ANKS1B: variants seen among roughly 807,000 people sequenced by gnomAD.
ANKS1B encodes the protein ankyrin repeat and sterile alpha motif domain containing 1B.
Under a neutral mutation model 148.3 loss-of-function variants are expected in ANKS1B, and 36 were observed. The ratio of observed to expected loss-of-function variants is 0.24; its 90% CI spans 0.19 to 0.32. ANKS1B has a LOEUF of 0.32. Among genes scored for constraint, ANKS1B ranks in the 10% least tolerant of loss-of-function variants. ANKS1B has a pLI of 1.00. For missense variants in ANKS1B, 1,157 were observed against 1,542.6 expected, an observed-to-expected ratio of 0.75 and a Z score of 4.19; for synonymous variants, 542 against 560.8, an observed-to-expected ratio of 0.97 and a Z score of 0.47.
chr12:99,656,859 G>A (rs1408763568), intron 8 of ANKS1B, among the ~76,000 whole-genome samples: 2 of 152,094 alleles, frequency 1.3e-5, no homozygotes, highest in African/African-American at 2.4e-5. Context: ...GATTACTAAA[G>A]CAAGTAAATA....
chr12:99,816,724 T>A (rs902298478), intron 2 of ANKS1B, among the ~76,000 whole-genome samples: 5 of 151,678 alleles, frequency 3.3e-5, no homozygotes, highest in Non-Finnish European at 7.4e-5. Flanking sequence ...TAGAATAAAG[T>A]GTTAATCAGC....
intron 17 of ANKS1B, among the ~76,000 whole-genome samples, chr12:98,857,627 C>T (rs922003514): frequency 6.6e-6 from 1 of 151,272 alleles, no homozygotes. Context: ...GAGGCAATGT[C>T]ACTGGTTGAA....
chr12:98,845,292 C>T (rs1323004301), intron 17 of ANKS1B, among the ~76,000 whole-genome samples: 7 of 152,124 alleles, frequency 4.6e-5, no homozygotes, highest in African/African-American at 7.2e-5. Context: ...AATCCAGTTC[C>T]GACTTCCAAA....
At chr12:99,546,890 T>C (rs2097177071) in intron 9 of ANKS1B, among the ~76,000 whole-genome samples, 1 of 152,060 alleles carries the variant, frequency 6.6e-6, no homozygotes, top group Non-Finnish European at 1.5e-5. Context: ...CAGGTTGGGA[T>C]AAACTCCAAC....
intron 9 of ANKS1B, among the ~76,000 whole-genome samples, chr12:99,559,831 A>G (rs1315692437): frequency 1.3e-5 from 2 of 152,234 alleles, no homozygotes; most frequent in East Asian, 1.9e-4. Context: ...AAGTTTTGAT[A>G]TAAAAATCAT....
chr12:98,968,257 T>G (rs1039557633), intron 17 of ANKS1B, among the ~76,000 whole-genome samples: 3 of 152,110 alleles, frequency 2.0e-5, no homozygotes, highest in Admixed American at 2.0e-4. Context: ...TCCAGACTAG[T>G]AGTTCTCAAA....
intron 11 of ANKS1B, among the ~76,000 whole-genome samples, chr12:99,416,445 G>C (rs1174756421): frequency 6.6e-6 from 1 of 152,162 alleles, no homozygotes; most frequent in Non-Finnish European, 1.5e-5. Flanking sequence ...TTCCAAAATT[G>C]CTGTACAATT....
chr12:99,646,026 T>TAAAAAAAAAAAA (rs34337860), intron 9 of ANKS1B, among the ~76,000 whole-genome samples: 6 of 131,866 alleles, frequency 4.6e-5, no homozygotes, highest in Non-Finnish European at 6.4e-5. Flanking sequence ...AGAAAATCAG[T>TAAAAAAAAAAAA]AAAAAAAAAA....
At chr12:99,675,179 A>T (rs1187780740) in intron 8 of ANKS1B, among the ~76,000 whole-genome samples, 1 of 151,996 alleles carries the variant, frequency 6.6e-6, no homozygotes, top group African/African-American at 2.4e-5. Context: ...TGTGTAAAGA[A>T]TCTTTAAAAA....
chr12:98,969,752 G>T (rs535442477), intron 17 of ANKS1B, among the ~76,000 whole-genome samples: 1 of 152,188 alleles, frequency 6.6e-6, no homozygotes, highest in African/African-American at 2.4e-5. Flanking sequence ...GGGAATTATT[G>T]TGCACAGAGA....
chr12:99,180,626 G>GTTTTTTTTT (rs11415606), intron 14 of ANKS1B, among the ~76,000 whole-genome samples: 1 of 126,042 alleles, frequency 7.9e-6, no homozygotes, highest in African/African-American at 3.0e-5. Context: ...GAGGGAAAGG[G>GTTTTTTTTT]TTTTTTTTTT....
At chr12:99,606,288 T>A (rs2097850928) in intron 9 of ANKS1B, among the ~76,000 whole-genome samples, 1 of 152,014 alleles carries the variant, frequency 6.6e-6, no homozygotes, top group Admixed American at 6.6e-5. Flanking sequence ...AACATAAGCA[T>A]TTTTCCTATT....
intron 12 of ANKS1B, among the ~76,000 whole-genome samples, chr12:99,339,205 G>C (rs898914440): frequency 2.0e-5 from 3 of 152,168 alleles, no homozygotes; most frequent in African/African-American, 7.2e-5. Context: ...GGTTCCACAA[G>C]CTGGAACGGA....
At chr12:99,943,459 TG>T (rs1303601838) in intron 1 of ANKS1B, among the ~76,000 whole-genome samples, 7 of 152,148 alleles carry the variant, frequency 4.6e-5, no homozygotes, top group Admixed American at 4.6e-4. Flanking sequence ...TACACAACAC[TG>T]GGTAATTTAT....
intron 12 of ANKS1B, among the ~76,000 whole-genome samples, chr12:99,263,766 G>T (rs143644769): frequency 1.3e-5 from 2 of 152,034 alleles, no homozygotes; most frequent in Non-Finnish European, 2.9e-5. Flanking sequence ...CTTGCCTGCC[G>T]CCATGAAAGA....
chr12:98,912,285 C>A (rs1156286199), intron 17 of ANKS1B, among the ~76,000 whole-genome samples: 1 of 152,174 alleles, frequency 6.6e-6, no homozygotes, highest in Non-Finnish European at 1.5e-5. Context: ...CGACTCTGAG[C>A]ATAATGATCC....
chr12:99,163,033 G>C (rs1360353765), intron 14 of ANKS1B, among the ~76,000 whole-genome samples: 1 of 151,806 alleles, frequency 6.6e-6, no homozygotes, highest in Non-Finnish European at 1.5e-5. Flanking sequence ...ACTCCAGCCT[G>C]GGCGACAGAG....
intron 9 of ANKS1B, among the ~76,000 whole-genome samples, chr12:99,644,455 T>C (rs76112111): frequency 0.026 from 3,944 of 152,318 alleles, 176 homozygotes; most frequent in African/African-American, 0.09. Context: ...AGGTAATCTC[T>C]AAGAAAATAC....
chr12:99,503,603 CTCT>C (rs1359533852), intron 10 of ANKS1B, among the ~76,000 whole-genome samples: 6 of 151,990 alleles, frequency 3.9e-5, no homozygotes, highest in African/African-American at 1.4e-4. Context: ...ACTATCATAC[CTCT>C]TCTTCTAATC....
Sources: allele counts gnomAD v4.1 joint callset (sites outside exome capture counted in the v4.1 genomes callset), GRCh38; gene constraint gnomAD v4.1.1; transcripts MANE v1.5; gene names NCBI Gene and HGNC (gene_info 2026-07-23, HGNC 2026-07-21).